Variants in UBQLN1 observed in about 807,000 individuals in gnomAD.
UBQLN1 encodes the protein ubiquilin 1, also known as ubiquilin-1.
A neutral mutation model predicts 65.4 loss-of-function variants in UBQLN1; 13 were observed. The ratio of observed to expected loss-of-function variants is 0.20; its 90% confidence interval spans 0.13 to 0.32. The LOEUF is 0.32. Ranked by LOEUF, UBQLN1 falls within the 10% of genes least tolerant of loss-of-function variation. The pLI is 1.00. For synonymous variants in UBQLN1, 267 were observed against 247.8 expected (o/e 1.08, Z -0.73); for missense variants, 561 against 724.0 (o/e 0.77, Z 2.58).
intron 1 of UBQLN1, among the ~76,000 whole-genome samples, chr9:83,700,459 G>C (rs1832292169): frequency 6.6e-6 from 1 of 152,150 alleles, no homozygotes; most frequent in African/African-American, 2.4e-5. Flanking sequence ...CCTAGGCTCT[G>C]GTAACACAAT....
intron 2 of UBQLN1, among the ~76,000 whole-genome samples, chr9:83,683,701 C>T (rs1327304794): frequency 1.3e-5 from 2 of 152,032 alleles, no homozygotes; most frequent in East Asian, 3.9e-4. Flanking sequence ...TGACCAGTTA[C>T]ACCCACAAAG....
chr9:83,696,154 G>A (rs948217678), intron 1 of UBQLN1, among the ~76,000 whole-genome samples: 10 of 152,070 alleles, frequency 6.6e-5, no homozygotes, highest in Admixed American at 2.6e-4. Context: ...TGGCCAGGAC[G>A]GTCTCAAACT....
intron 6 of UBQLN1, among the ~76,000 whole-genome samples, chr9:83,675,259 C>A (rs1053555084): frequency 6.6e-6 from 1 of 152,048 alleles, no homozygotes; most frequent in Non-Finnish European, 1.5e-5. Flanking sequence ...AAATGAGAAC[C>A]ACTACCCTGC....
chr9:83,664,621 G>A (rs115370009), intron 9 of UBQLN1, among the ~76,000 whole-genome samples: 128 of 151,878 alleles, frequency 8.4e-4, no homozygotes, highest in African/African-American at 2.9e-3. Context: ...AAATAAAAAC[G>A]GTGGGGGAGA....
chr9:83,702,090 C>T (rs1487157430), intron 1 of UBQLN1, among the ~76,000 whole-genome samples: 12 of 152,274 alleles, frequency 7.9e-5, no homozygotes, highest in Admixed American at 5.2e-4. Flanking sequence ...TTACAACAAA[C>T]GCCCAGAACA....
intron 1 of UBQLN1, among the ~76,000 whole-genome samples, chr9:83,696,525 G>C (rs184151209): frequency 2.0e-5 from 3 of 152,192 alleles, no homozygotes. Flanking sequence ...TGCAGTCCCA[G>C]TTTCTTCAGA....
intron 6 of UBQLN1, among the ~76,000 whole-genome samples, chr9:83,677,418 C>T (rs1287758368): frequency 6.6e-6 from 1 of 151,962 alleles, no homozygotes; most frequent in Admixed American, 6.6e-5. Flanking sequence ...CAAAATTAGC[C>T]GGGCATGGTG....
At chr9:83,685,697 T>C (rs1050247229) in intron 2 of UBQLN1, among the ~76,000 whole-genome samples, 1 of 151,946 alleles carries the variant, frequency 6.6e-6, no homozygotes, top group Non-Finnish European at 1.5e-5. Context: ...AAGTTACTCA[T>C]GATCTTTGTC....
At chr9:83,667,722 C>T (rs1831664698) in intron 7 of UBQLN1, 3 of 982,756 alleles carry the variant, frequency 3.1e-6, no homozygotes, top group Non-Finnish European at 3.6e-6. Flanking sequence ...AGATAATCAT[C>T]TTATTAGATA....
At chr9:83,704,218 A>C (rs1832358621) in intron 1 of UBQLN1, among the ~76,000 whole-genome samples, 1 of 152,212 alleles carries the variant, frequency 6.6e-6, no homozygotes, top group Admixed American at 6.5e-5. Context: ...TTAATGACAA[A>C]TTTTCATTTG....
intron 6 of UBQLN1, among the ~76,000 whole-genome samples, chr9:83,670,040 TTG>T (rs1348693716): frequency 6.6e-6 from 1 of 152,240 alleles, no homozygotes; most frequent in East Asian, 1.9e-4. Context: ...CTTATGATTA[TTG>T]TTTTTCCTTT....
chr9:83,684,558 T>C (rs1832006038), intron 2 of UBQLN1, among the ~76,000 whole-genome samples: 1 of 152,108 alleles, frequency 6.6e-6, no homozygotes, highest in African/African-American at 2.4e-5. Flanking sequence ...ACACCTGTAA[T>C]CCCAGCACTT....
At chr9:83,690,291 G>T (rs184782720) in intron 1 of UBQLN1, among the ~76,000 whole-genome samples, 1 of 152,178 alleles carries the variant, frequency 6.6e-6, no homozygotes, top group African/African-American at 2.4e-5. Flanking sequence ...TATCATCACG[G>T]ATACCTCAAC....
chr9:83,702,163 C>T (rs769546306), intron 1 of UBQLN1, among the ~76,000 whole-genome samples: 2 of 152,128 alleles, frequency 1.3e-5, no homozygotes, highest in Non-Finnish European at 2.9e-5. Flanking sequence ...CAGGGAGAAA[C>T]GAAGGGCAAC....
At chr9:83,695,965 G>C (rs190013571) in intron 1 of UBQLN1, among the ~76,000 whole-genome samples, 93 of 151,790 alleles carry the variant, frequency 6.1e-4, no homozygotes, top group African/African-American at 1.9e-3. Flanking sequence ...TTTTGAGTCG[G>C]AGTCTCACTC....
At chr9:83,682,158 TC>T (rs1564166260) in intron 3 of UBQLN1, among the ~76,000 whole-genome samples, 1 of 151,810 alleles carries the variant, frequency 6.6e-6, no homozygotes. Flanking sequence ...AGTGGCACAC[TC>T]CTATAATCCC....
At chr9:83,674,792 G>T (rs1201069824) in intron 6 of UBQLN1, among the ~76,000 whole-genome samples, 1 of 152,158 alleles carries the variant, frequency 6.6e-6, no homozygotes, top group African/African-American at 2.4e-5. Flanking sequence ...GAAGTGACCG[G>T]AAAATTACCC....
At chr9:83,667,969 A>T (rs1380700193) in intron 7 of UBQLN1, 1 of 985,246 alleles carries the variant, frequency 1.0e-6, no homozygotes, top group African/African-American at 1.7e-5. Flanking sequence ...CTAAAGTAAG[A>T]TTATTACAAA....
intron 1 of UBQLN1, among the ~76,000 whole-genome samples, chr9:83,692,455 G>A (rs945763647): frequency 6.6e-6 from 1 of 152,160 alleles, no homozygotes; most frequent in African/African-American, 2.4e-5. Context: ...GTATTGATAT[G>A]GAAAAACTTA....
Sources: gnomAD v4.1 joint callset for allele counts (sites outside exome capture counted in the v4.1 genomes callset) on GRCh38, gnomAD v4.1.1 for gene constraint, MANE v1.5 for transcripts, NCBI Gene and HGNC (gene_info 2026-07-23, HGNC 2026-07-21) for gene names.